Variants in DSCAM observed in about 807,000 individuals in gnomAD.
The protein encoded by DSCAM is cell adhesion molecule DSCAM.
In DSCAM, 47 loss-of-function variants were observed where a neutral mutation model predicts 217.7. The observed-to-expected ratio is 0.22, with a 90% CI of 0.17 to 0.28. DSCAM has a LOEUF of 0.28. Among genes scored for constraint, DSCAM ranks in the 10% least tolerant of loss-of-function variants. The probability of loss-of-function intolerance (pLI) is 1.00; values close to 1 mark genes in which losing one functional copy is unlikely to be tolerated. For synonymous variants in DSCAM, 1,056 were observed against 1,015.3 expected (o/e 1.04, Z -0.76); for missense variants, 2,080 against 2,618.3 (o/e 0.79, Z 4.49).
At chr21:40,445,438 C>CAAATCACTTT (rs2075666870) in intron 3 of DSCAM, among the ~76,000 whole-genome samples, 1 of 152,122 alleles carries the variant, frequency 6.6e-6, no homozygotes, top group Non-Finnish European at 1.5e-5. Context: ...TTTGTTATCC[C>CAAATCACTTT]AAATCACTTT....
chr21:40,148,130 A>G (rs1328964284), intron 16 of DSCAM, among the ~76,000 whole-genome samples: 2 of 152,184 alleles, frequency 1.3e-5, no homozygotes, highest in African/African-American at 4.8e-5. Context: ...TAATATTCCA[A>G]TTTTGAAATG....
chr21:40,499,882 G>C (rs1262260625), intron 3 of DSCAM, among the ~76,000 whole-genome samples: 11 of 152,160 alleles, frequency 7.2e-5, no homozygotes, highest in Non-Finnish European at 1.6e-4. Context: ...CTGGGTTCAA[G>C]TGATTCTCTT....
chr21:40,415,915 G>C (rs2075367179), intron 3 of DSCAM, among the ~76,000 whole-genome samples: 2 of 152,018 alleles, frequency 1.3e-5, no homozygotes, highest in African/African-American at 4.8e-5. Flanking sequence ...TGACACATAG[G>C]TTTTATAGCT....
chr21:40,256,526 T>C (rs1451849560), intron 11 of DSCAM, among the ~76,000 whole-genome samples: 1 of 152,066 alleles, frequency 6.6e-6, no homozygotes, highest in Non-Finnish European at 1.5e-5. Context: ...CTAGTAAGTC[T>C]AAAATTTGCC....
chr21:40,608,174 T>C (rs941667561), intron 3 of DSCAM, among the ~76,000 whole-genome samples: 4 of 152,236 alleles, frequency 2.6e-5, no homozygotes, highest in Admixed American at 2.6e-4. Flanking sequence ...ATTTTTCTAG[T>C]GGCAGTGAGA....
In DSCAM at chr21:40,078,722, T is replaced by C. The variant is rs1031566190; in HGVS notation, c.4676A>G (p.Lys1559Arg). The stretch of plus-strand genomic sequence containing the variant: ...GTTCAGCGTAGCGAAGTTGGCCTGC[T>C]TCTCCGCGCAGCCCGCACTGTTGCA... ...RVCNSAGCAE[K>R]QANFATLNYD... is the part of the protein sequence containing the mutation. The change falls in exon 26 of 33, where the codon AAG becomes AGG. Residue 1559 changes from lysine (K) to arginine (R), a missense_variant. Around this residue, in one of 5 missense-constraint regions of DSCAM, gnomAD observed 1,144 missense variants for 1,421.1 expected, o/e 0.81. Coordinates refer to ENST00000400454, the MANE Select transcript of DSCAM (RefSeq NM_001389.5). The C allele has an allele frequency of 8.7e-6, 14 of 1,614,056 alleles. No individual in the cohort carries two copies. Among genetic ancestry groups the C allele is most frequent in the Non-Finnish European group, 9.3e-6 (11 of 1,180,032 alleles).
chr21:40,483,482 T>C (rs1012622942), intron 3 of DSCAM, among the ~76,000 whole-genome samples: 1 of 152,226 alleles, frequency 6.6e-6, no homozygotes, highest in African/African-American at 2.4e-5. Context: ...CCATGGGAAT[T>C]ATATCTTTAA....
At chr21:40,226,920 G>A (rs446406) in intron 11 of DSCAM, among the ~76,000 whole-genome samples, 142,978 of 152,030 alleles carry the variant, frequency 0.94, 67,419 homozygotes, top group Non-Finnish European at 0.97. Context: ...CCTCCAAAAG[G>A]CTCCAGTGTG....
chr21:40,148,549 G>T (rs77171436), intron 16 of DSCAM, among the ~76,000 whole-genome samples: 6,731 of 152,118 alleles, frequency 0.044, 196 homozygotes, highest in African/African-American at 0.077. Context: ...AAGGTAGTGT[G>T]CTAACTCATC....
intron 3 of DSCAM, among the ~76,000 whole-genome samples, chr21:40,642,429 G>A (rs1461764017): frequency 2.0e-5 from 3 of 152,104 alleles, no homozygotes; most frequent in Non-Finnish European, 2.9e-5. Flanking sequence ...AAATTACACC[G>A]GAAAGAGCCA....
At chr21:40,553,577 A>G (rs1445771635) in intron 3 of DSCAM, among the ~76,000 whole-genome samples, 4 of 152,222 alleles carry the variant, frequency 2.6e-5, no homozygotes, top group Admixed American at 2.6e-4. Context: ...TTTTACATAT[A>G]TATCATTAAC....
At chr21:40,260,930 T>C (rs1375163465) in intron 11 of DSCAM, among the ~76,000 whole-genome samples, 1 of 152,246 alleles carries the variant, frequency 6.6e-6, no homozygotes, top group Non-Finnish European at 1.5e-5. Flanking sequence ...ACCTGGGCCT[T>C]GGTGTTCTGT....
At chr21:40,202,992 C>A (rs954143153) in intron 11 of DSCAM, among the ~76,000 whole-genome samples, 3 of 152,194 alleles carry the variant, frequency 2.0e-5, no homozygotes, top group Non-Finnish European at 4.4e-5. Flanking sequence ...ATTAAGTTCT[C>A]TGCTGAGAAA....
chr21:40,517,350 A>G (rs1313235263), intron 3 of DSCAM, among the ~76,000 whole-genome samples: 1 of 150,986 alleles, frequency 6.6e-6, no homozygotes, highest in African/African-American at 2.4e-5. Context: ...ATATACATAT[A>G]TATATACACA....
At chr21:40,355,307 C>T (rs538408188) in intron 4 of DSCAM, among the ~76,000 whole-genome samples, 6 of 152,210 alleles carry the variant, frequency 3.9e-5, no homozygotes, top group South Asian at 4.2e-4. Flanking sequence ...CAGCATGTGG[C>T]GTAGCAAGAC....
At chr21:40,588,016 G>A (rs1225527382) in intron 3 of DSCAM, among the ~76,000 whole-genome samples, 1 of 152,204 alleles carries the variant, frequency 6.6e-6, no homozygotes, top group African/African-American at 2.4e-5. Context: ...TCAGCTGGGT[G>A]CATGGCTTCC....
At chr21:40,101,855 G>A (rs1463593625) in intron 20 of DSCAM, among the ~76,000 whole-genome samples, 1 of 152,062 alleles carries the variant, frequency 6.6e-6, no homozygotes, top group Non-Finnish European at 1.5e-5. Context: ...ATGTTGGCGA[G>A]AGTTATAGGA....
intron 3 of DSCAM, among the ~76,000 whole-genome samples, chr21:40,683,038 C>T (rs914540985): frequency 6.6e-6 from 1 of 152,186 alleles, no homozygotes; most frequent in South Asian, 2.1e-4. Flanking sequence ...AGCAGGAAGG[C>T]GTCCATCTGC....
At chr21:40,306,359 T>G (rs896757908) in intron 9 of DSCAM, among the ~76,000 whole-genome samples, 4 of 151,250 alleles carry the variant, frequency 2.6e-5, no homozygotes, top group African/African-American at 9.8e-5. Flanking sequence ...CGATGGGGTT[T>G]TCTAGATATA....
Sources: gnomAD v4.1 joint callset for allele counts (sites outside exome capture counted in the v4.1 genomes callset) on GRCh38, gnomAD v4.1.1 for gene constraint, gnomAD v4.1.1 regional missense constraint, MANE v1.5 for transcripts, NCBI Gene and HGNC (gene_info 2026-07-23, HGNC 2026-07-21) for gene names.